The following SLC24A2 variants were observed in gnomAD, a reference collection of about 807,000 sequenced individuals.
The protein encoded by SLC24A2 is sodium/potassium/calcium exchanger 2.
SLC24A2 carries 36 observed loss-of-function variants against 62.0 expected under a neutral mutation model. That is an observed-to-expected ratio of 0.58 (90% CI 0.44 to 0.77). The LOEUF is 0.77. Among genes scored for constraint, SLC24A2 ranks in the 30% least tolerant of loss-of-function variants. The probability of loss-of-function intolerance (pLI) is 0.00; values close to 1 mark genes in which losing one functional copy is unlikely to be tolerated. For synonymous variants in SLC24A2, 358 were observed against 294.0 expected (o/e 1.22, Z -2.23); for missense variants, 846 against 817.9 (o/e 1.03, Z -0.42).
chr9:19,797,693 G>C, the SLC24A2 span, among the ~76,000 whole-genome samples: 849 of 152,232 alleles, frequency 5.6e-3, 13 homozygotes, highest in African/African-American at 0.02. Flanking sequence ...AAGAGGCTAG[G>C]GGACTTTATT....
chr9:19,982,429 A>G, the SLC24A2 span, among the ~76,000 whole-genome samples: 1 of 152,208 alleles, frequency 6.6e-6, no homozygotes, highest in Non-Finnish European at 1.5e-5. Context: ...TTTATCCAGC[A>G]AAGACTTGGG....
chr9:19,877,724 A>C, the SLC24A2 span, among the ~76,000 whole-genome samples: 1 of 152,044 alleles, frequency 6.6e-6, no homozygotes, highest in African/African-American at 2.4e-5. Context: ...ACCTGGAGGA[A>C]GACTGGATTG....
chr9:19,948,823 C>T, the SLC24A2 span, among the ~76,000 whole-genome samples: 6 of 102,020 alleles, frequency 5.9e-5, no homozygotes, highest in South Asian at 7.0e-4. Context: ...CCCGCCTGGG[C>T]AACAGAACGA....
At chr9:20,179,624 A>C in the SLC24A2 span, among the ~76,000 whole-genome samples, 2 of 152,170 alleles carry the variant, frequency 1.3e-5, no homozygotes, top group East Asian at 3.9e-4. Flanking sequence ...AGGAAGAAGG[A>C]AAGGGAAGGG....
chr9:20,198,229 T>C, the SLC24A2 span, among the ~76,000 whole-genome samples: 1 of 152,150 alleles, frequency 6.6e-6, no homozygotes, highest in African/African-American at 2.4e-5. Flanking sequence ...GAAAAAAGCA[T>C]GTCACTTTTC....
intron 2 of SLC24A2, among the ~76,000 whole-genome samples, chr9:19,746,278 T>C (rs1287539721): frequency 6.6e-6 from 1 of 152,140 alleles, no homozygotes; most frequent in African/African-American, 2.4e-5. Context: ...TTATCTTTTG[T>C]TCATCAGAGC....
chr9:19,905,344 T>C, the SLC24A2 span, among the ~76,000 whole-genome samples: 1 of 152,102 alleles, frequency 6.6e-6, no homozygotes, highest in Non-Finnish European at 1.5e-5. Context: ...TTCTCTTGTC[T>C]CAGAGGATGC....
Position 19,625,871 on chromosome 9 carries a change from G to A in SLC24A2, c.931-3572C>T, listed in dbSNP as rs1818022201. Reference sequence around the variant, plus strand: ...CCAGCTAATTTTTGTATTCTTAGTAGAGACAGGGTTTTGCTATGTTGGCCA... The same window carrying A: ...CCAGCTAATTTTTGTATTCTTAGTAAAGACAGGGTTTTGCTATGTTGGCCA... On this transcript the variant is annotated intron_variant, in intron 2 of 10. Transcript: ENST00000341998. 2.0e-5 allele frequency among the ~76,000 whole-genome samples: 3 copies of A among 152,010 alleles called. No homozygotes were observed. The South Asian group carries it at 6.2e-4, about 32-fold the overall frequency.
chr9:19,693,643 C>T (rs1412587896), intron 2 of SLC24A2, among the ~76,000 whole-genome samples: 1 of 152,056 alleles, frequency 6.6e-6, no homozygotes, highest in African/African-American at 2.4e-5. Context: ...ATCGACAAGA[C>T]TGATAAGCAC....
chr9:20,241,397 G>A, the SLC24A2 span, among the ~76,000 whole-genome samples: 15 of 152,156 alleles, frequency 9.9e-5, no homozygotes, highest in South Asian at 4.1e-4. Context: ...ATGGCTCTGA[G>A]GTCATCGCTT....
At chr9:19,516,944 T>G (rs896659133) in intron 10 of SLC24A2, among the ~76,000 whole-genome samples, 1 of 152,246 alleles carries the variant, frequency 6.6e-6, no homozygotes, top group African/African-American at 2.4e-5. Context: ...AAGTTTATTC[T>G]GGGAAAGATG....
upstream of SLC24A2, among the ~76,000 whole-genome samples, chr9:19,793,134 T>C (rs1221876290): frequency 1.3e-5 from 2 of 152,238 alleles, no homozygotes; most frequent in Non-Finnish European, 2.9e-5. Context: ...TACAGTTACT[T>C]AAAGGAAGGT....
At chr9:19,854,424 G>A in the SLC24A2 span, among the ~76,000 whole-genome samples, 2 of 152,074 alleles carry the variant, frequency 1.3e-5, no homozygotes, top group East Asian at 3.9e-4. Context: ...TTTTTTACAT[G>A]AGCATTTGGT....
chr9:19,652,470 G>C (rs998455364), intron 2 of SLC24A2, among the ~76,000 whole-genome samples: 5 of 152,148 alleles, frequency 3.3e-5, no homozygotes, highest in Non-Finnish European at 7.3e-5. Flanking sequence ...AGAGAAAAAG[G>C]AGGTGTGACC....
the SLC24A2 span, among the ~76,000 whole-genome samples, chr9:20,086,583 C>G: frequency 4.6e-5 from 7 of 152,156 alleles, no homozygotes; most frequent in African/African-American, 1.4e-4. Context: ...ATAAACACTA[C>G]TCTGGCTGTG....
At chr9:19,694,069 A>G (rs997240916) in intron 2 of SLC24A2, among the ~76,000 whole-genome samples, 1 of 149,752 alleles carries the variant, frequency 6.7e-6, no homozygotes, top group Non-Finnish European at 1.5e-5. Context: ...AGAGTTGCCA[A>G]TTAAAACATG....
At chr9:19,661,415 G>A (rs184077490) in intron 2 of SLC24A2, among the ~76,000 whole-genome samples, 16 of 151,922 alleles carry the variant, frequency 1.1e-4, no homozygotes, top group African/African-American at 3.1e-4. Flanking sequence ...ATCCATGCAG[G>A]GTCTTGCTTT....
At chr9:20,244,596 C>T in the SLC24A2 span, among the ~76,000 whole-genome samples, 1 of 152,198 alleles carries the variant, frequency 6.6e-6, no homozygotes, top group African/African-American at 2.4e-5. Flanking sequence ...AATCATTCTG[C>T]CTTCAAAGCT....
the SLC24A2 span, among the ~76,000 whole-genome samples, chr9:20,185,880 C>T: frequency 6.6e-6 from 1 of 152,110 alleles, no homozygotes; most frequent in African/African-American, 2.4e-5. Context: ...GACACCCCCA[C>T]ACTCAGGCAT....
Sources: allele counts gnomAD v4.1 joint callset (sites outside exome capture counted in the v4.1 genomes callset), GRCh38; gene constraint gnomAD v4.1.1; transcripts MANE v1.5; gene names NCBI Gene and HGNC (gene_info 2026-07-23, HGNC 2026-07-21).